The following KCNK10 variants were observed in gnomAD, a reference collection of about 807,000 sequenced individuals.
KCNK10 encodes the protein potassium channel subfamily K member 10.
KCNK10 carries 25 observed loss-of-function variants against 47.7 expected under a neutral mutation model. That is an observed-to-expected ratio of 0.52 (90% CI 0.38 to 0.73). KCNK10 has a LOEUF of 0.73. Among genes scored for constraint, KCNK10 ranks in the 30% least tolerant of loss-of-function variants. The pLI is 0.00. For missense variants in KCNK10, 563 were observed against 714.5 expected, an observed-to-expected ratio of 0.79 and a Z score of 2.42; for synonymous variants, 303 against 285.6, an observed-to-expected ratio of 1.06 and a Z score of -0.61.
chr14:88,272,946 G>C (rs577772949), intron 1 of KCNK10, among the ~76,000 whole-genome samples: 124 of 152,304 alleles, frequency 8.1e-4, no homozygotes, highest in African/African-American at 2.9e-3. Flanking sequence ...ACAGTATCAT[G>C]CTCTGCAAGA....
chr14:88,281,440 A>G (rs967148384), intron 1 of KCNK10, among the ~76,000 whole-genome samples: 21 of 152,202 alleles, frequency 1.4e-4, no homozygotes, highest in Admixed American at 1.2e-3. Flanking sequence ...CTCCCACGAC[A>G]TAGGTGGTCC....
At chr14:88,242,151 C>T (rs1886496940) in intron 2 of KCNK10, among the ~76,000 whole-genome samples, 2 of 152,190 alleles carry the variant, frequency 1.3e-5, no homozygotes, top group African/African-American at 4.8e-5. Flanking sequence ...TACATTTATC[C>T]TAAGTAATGC....
At chr14:88,299,236 T>C (rs961089250) in intron 1 of KCNK10, among the ~76,000 whole-genome samples, 2 of 152,212 alleles carry the variant, frequency 1.3e-5, no homozygotes, top group African/African-American at 4.8e-5. Flanking sequence ...GAACTGAATT[T>C]GAGGAGAGCT....
Position 88,188,115 on chromosome 14 carries a change from A to C in KCNK10, c.869-6T>G, listed in dbSNP as rs1884632765. 6.2e-7 allele frequency: 1 copy of C among 1,614,158 alleles called. No individual in the cohort carries two copies. Among genetic ancestry groups the C allele is most frequent in the Non-Finnish European group, 8.5e-7 (1 of 1,179,994 alleles). ...ATTGATGCCAGCGTTTCCCCCTGAA[A>C]ACAACCAAATGTTACTTTAACCATG... On this transcript the variant is annotated splice_region_variant and splice_polypyrimidine_tract_variant and intron_variant, in intron 5 of 6. Coordinates refer to ENST00000319231, the MANE Select transcript of KCNK10 (RefSeq NM_138317.3).
intron 1 of KCNK10, among the ~76,000 whole-genome samples, chr14:88,309,088 A>G (rs1349133016): frequency 1.3e-5 from 2 of 152,236 alleles, no homozygotes; most frequent in African/African-American, 2.4e-5. Context: ...CTGTACCTCC[A>G]GGGCCTACAA....
intron 1 of KCNK10, among the ~76,000 whole-genome samples, chr14:88,298,504 T>A (rs1888032343): frequency 6.6e-6 from 1 of 151,988 alleles, no homozygotes; most frequent in South Asian, 2.1e-4. Context: ...ATGCCCCACC[T>A]CTCCTCCTCG....
intron 4 of KCNK10, among the ~76,000 whole-genome samples, chr14:88,209,422 C>T (rs1177023052): frequency 1.3e-5 from 2 of 152,220 alleles, no homozygotes; most frequent in African/African-American, 2.4e-5. Flanking sequence ...GTGTGGCCGA[C>T]GACGAAGAAG....
intron 1 of KCNK10, among the ~76,000 whole-genome samples, chr14:88,298,106 T>A (rs1009091219): frequency 1.3e-5 from 2 of 152,120 alleles, no homozygotes; most frequent in Non-Finnish European, 2.9e-5. Flanking sequence ...CATGTAAGTA[T>A]CCCAAAATAT....
At chr14:88,278,221 T>C (rs183267821) in intron 1 of KCNK10, among the ~76,000 whole-genome samples, 13 of 152,310 alleles carry the variant, frequency 8.5e-5, no homozygotes, top group Middle Eastern at 3.4e-3. Context: ...ATGGATCATA[T>C]AGAAGTCTGC....
intron 1 of KCNK10, among the ~76,000 whole-genome samples, chr14:88,310,908 G>A (rs887246468): frequency 5.3e-5 from 8 of 152,130 alleles, no homozygotes; most frequent in Non-Finnish European, 5.9e-5. Flanking sequence ...ATATGAGCGA[G>A]CGCACCACAG....
At chr14:88,216,173 G>T (rs1885613107) in intron 4 of KCNK10, among the ~76,000 whole-genome samples, 1 of 152,134 alleles carries the variant, frequency 6.6e-6, no homozygotes, top group African/African-American at 2.4e-5. Context: ...AATCTGCAAA[G>T]CCCTCTTTAA....
intron 1 of KCNK10, among the ~76,000 whole-genome samples, chr14:88,297,591 G>T (rs910587863): frequency 3.9e-5 from 6 of 152,140 alleles, no homozygotes; most frequent in African/African-American, 1.4e-4. Context: ...ACCCTAAATT[G>T]TCTGTCGACT....
intron 4 of KCNK10, among the ~76,000 whole-genome samples, chr14:88,205,049 C>A (rs1885223676): frequency 6.6e-6 from 1 of 152,252 alleles, no homozygotes; most frequent in Non-Finnish European, 1.5e-5. Context: ...ATTCATCCCT[C>A]TCTTCCCCCA....
intron 4 of KCNK10, among the ~76,000 whole-genome samples, chr14:88,194,613 T>A (rs1207965406): frequency 6.6e-6 from 1 of 152,182 alleles, no homozygotes; most frequent in Non-Finnish European, 1.5e-5. Context: ...GTTCCTGGAC[T>A]TCAGGAGATG....
At chr14:88,239,284 C>G (rs534528986) in intron 3 of KCNK10, among the ~76,000 whole-genome samples, 1 of 151,522 alleles carries the variant, frequency 6.6e-6, no homozygotes, top group South Asian at 2.1e-4. Flanking sequence ...TATAGAATGA[C>G]ACCATGAATA....
chr14:88,306,996 C>T (rs538623579), intron 1 of KCNK10, among the ~76,000 whole-genome samples: 2 of 152,272 alleles, frequency 1.3e-5, no homozygotes, highest in South Asian at 2.1e-4. Flanking sequence ...ACAGCAATTC[C>T]TCAGGATGTC....
At chr14:88,273,383 G>T (rs985483208) in intron 1 of KCNK10, among the ~76,000 whole-genome samples, 1 of 152,174 alleles carries the variant, frequency 6.6e-6, no homozygotes, top group African/African-American at 2.4e-5. Context: ...TACCATAGCA[G>T]CATTTTGCTG....
At chr14:88,317,155 T>C (rs981371580) in intron 1 of KCNK10, among the ~76,000 whole-genome samples, 1 of 152,192 alleles carries the variant, frequency 6.6e-6, no homozygotes, top group Non-Finnish European at 1.5e-5. Flanking sequence ...AGGATAATTG[T>C]GGTGATTTTG....
At chr14:88,233,556 G>T (rs1313325987) in intron 3 of KCNK10, among the ~76,000 whole-genome samples, 1 of 152,168 alleles carries the variant, frequency 6.6e-6, no homozygotes, top group Admixed American at 6.5e-5. Flanking sequence ...TGAGGACATG[G>T]GTGAGTAAGT....
Sources: allele counts gnomAD v4.1 joint callset (sites outside exome capture counted in the v4.1 genomes callset), GRCh38; gene constraint gnomAD v4.1.1; transcripts MANE v1.5; gene names NCBI Gene and HGNC (gene_info 2026-07-23, HGNC 2026-07-21).